Variants in CDH13 observed in about 807,000 individuals in gnomAD.
CDH13 encodes the protein cadherin-13.
In CDH13, 24 loss-of-function variants were observed where a neutral mutation model predicts 63.8. The observed-to-expected ratio is 0.38, with a 90% CI of 0.27 to 0.53. The LOEUF is 0.53. CDH13 is among the 20% of genes least tolerant of loss of function. The pLI, the probability that CDH13 is intolerant of heterozygous loss-of-function variation, is 0.85. For synonymous variants in CDH13, 503 were observed against 355.3 expected, an observed-to-expected ratio of 1.42 and a Z score of -4.67; for missense variants, 1,049 against 903.1, an observed-to-expected ratio of 1.16 and a Z score of -2.07.
chr16:83,623,062 T>A (rs1909959084), intron 8 of CDH13, among the ~76,000 whole-genome samples: 1 of 152,208 alleles, frequency 6.6e-6, no homozygotes, highest in Admixed American at 6.5e-5. Context: ...AAGTGACATC[T>A]TGTCCTTTAA....
chr16:83,435,867 G>A (rs553241134), intron 6 of CDH13, among the ~76,000 whole-genome samples: 1 of 152,328 alleles, frequency 6.6e-6, no homozygotes, highest in Admixed American at 6.5e-5. Flanking sequence ...TGTGTGAAGA[G>A]AGGAATTGTG....
In CDH13 at chr16:83,449,162, T is replaced by C. The variant is rs191969760; in HGVS notation, c.782-37315T>C. Among the ~76,000 whole-genome samples the C allele has an allele frequency of 2.0e-5, 3 of 152,268 alleles. No homozygotes were observed. In the East Asian group the frequency reaches 5.8e-4, roughly 29 times the overall value. On this transcript the variant is annotated intron_variant, in intron 6 of 13. Coordinates refer to ENST00000567109, the MANE Select transcript of CDH13 (RefSeq NM_001257.5). ...TCTGGACAAAATAAATCAGCCCGGA[T>C]GGAATTCGTTGCCACAATGATCTAT... is the stretch of plus-strand genomic sequence containing the variant.
intron 3 of CDH13, among the ~76,000 whole-genome samples, chr16:83,075,316 C>G (rs545532766): frequency 6.6e-6 from 1 of 152,276 alleles, no homozygotes; most frequent in African/African-American, 2.4e-5. Flanking sequence ...CTATGTGGCC[C>G]CGTGAAGATG....
chr16:83,303,286 A>G (rs180911900), intron 5 of CDH13, among the ~76,000 whole-genome samples: 30 of 152,350 alleles, frequency 2.0e-4, no homozygotes, highest in African/African-American at 6.5e-4. Context: ...TTTAATGTGT[A>G]TTAGCCTAGA....
chr16:83,328,443 A>G (rs533151235), intron 5 of CDH13, among the ~76,000 whole-genome samples: 1 of 152,374 alleles, frequency 6.6e-6, no homozygotes, highest in Non-Finnish European at 1.5e-5. Flanking sequence ...TGCAGGCCAC[A>G]GTGAGAACTT....
intron 6 of CDH13, chr16:83,397,330 C>T (rs2091902947): frequency 1.3e-5 from 2 of 152,164 alleles, no homozygotes; most frequent in African/African-American, 4.8e-5. Context: ...CTATGGAAGC[C>T]AAGGTATGTT....
At chr16:83,332,491 A>G (rs2090501279) in intron 5 of CDH13, among the ~76,000 whole-genome samples, 1 of 152,212 alleles carries the variant, frequency 6.6e-6, no homozygotes. Flanking sequence ...TATTGCATTT[A>G]TTTCTATTCC....
At chr16:82,923,270 T>C (rs2042211043) in intron 2 of CDH13, among the ~76,000 whole-genome samples, 1 of 152,196 alleles carries the variant, frequency 6.6e-6, no homozygotes, top group African/African-American at 2.4e-5. Context: ...TGGCACAAGG[T>C]GGGAATTTGA....
intron 5 of CDH13, among the ~76,000 whole-genome samples, chr16:83,241,274 A>G (rs945308575): frequency 5.3e-5 from 8 of 152,140 alleles, no homozygotes; most frequent in Non-Finnish European, 1.2e-4. Context: ...CCTCTTGACT[A>G]TTGTAAATTA....
At chr16:83,154,188 C>T (rs1274434455) in intron 4 of CDH13, among the ~76,000 whole-genome samples, 1 of 152,070 alleles carries the variant, frequency 6.6e-6, no homozygotes, top group African/African-American at 2.4e-5. Flanking sequence ...ACGAGCTTAT[C>T]CTAAGGGAGA....
At chr16:82,981,338 C>T (rs769334652) in intron 2 of CDH13, among the ~76,000 whole-genome samples, 3 of 152,140 alleles carry the variant, frequency 2.0e-5, no homozygotes, top group Non-Finnish European at 4.4e-5. Flanking sequence ...ACACTGCAGT[C>T]CAATTTCAAA....
intron 2 of CDH13, among the ~76,000 whole-genome samples, chr16:82,944,047 T>C (rs1203632012): frequency 6.6e-6 from 1 of 152,174 alleles, no homozygotes; most frequent in East Asian, 1.9e-4. Context: ...GATTAAGTAT[T>C]TAATGTCTCT....
intron 2 of CDH13, among the ~76,000 whole-genome samples, chr16:83,024,392 C>T (rs1320649151): frequency 1.3e-5 from 2 of 151,936 alleles, no homozygotes; most frequent in East Asian, 1.9e-4. Context: ...AGTAAATAAT[C>T]GATGTGGTAT....
chr16:82,725,522 G>T (rs144766236), intron 1 of CDH13, among the ~76,000 whole-genome samples: 124 of 152,238 alleles, frequency 8.1e-4, no homozygotes, highest in African/African-American at 2.9e-3. Flanking sequence ...GCCACATTTA[G>T]GTGTTTTAAG....
intron 2 of CDH13, among the ~76,000 whole-genome samples, chr16:82,933,308 A>T (rs1597241944): frequency 6.6e-6 from 1 of 152,142 alleles, no homozygotes; most frequent in Non-Finnish European, 1.5e-5. Context: ...GTGCAGAGCA[A>T]AGGGGAGAAA....
At chr16:83,551,726 C>T (rs140737103) in intron 7 of CDH13, among the ~76,000 whole-genome samples, 216 of 152,310 alleles carry the variant, frequency 1.4e-3, no homozygotes, top group African/African-American at 4.7e-3. Context: ...AAATGCATCT[C>T]CCTTTCCTTT....
At chr16:83,751,758 A>G (rs1913105176) in intron 11 of CDH13, among the ~76,000 whole-genome samples, 1 of 152,264 alleles carries the variant, frequency 6.6e-6, no homozygotes, top group Non-Finnish European at 1.5e-5. Flanking sequence ...AAGAGCTTAT[A>G]CTGAACATGA....
At chr16:83,540,360 G>T (rs72791501) in intron 7 of CDH13, among the ~76,000 whole-genome samples, 238 of 152,268 alleles carry the variant, frequency 1.6e-3, no homozygotes, top group Non-Finnish European at 2.7e-3. Context: ...CCCCCGATGC[G>T]CAGTGTTTCT....
At chr16:82,691,767 C>A (rs1186279553) in intron 1 of CDH13, among the ~76,000 whole-genome samples, 2 of 152,068 alleles carry the variant, frequency 1.3e-5, no homozygotes, top group Non-Finnish European at 2.9e-5. Flanking sequence ...GGTCTCCCCT[C>A]AATATTCTGA....
Sources: allele counts gnomAD v4.1 joint callset (sites outside exome capture counted in the v4.1 genomes callset), GRCh38; gene constraint gnomAD v4.1.1; transcripts MANE v1.5; gene names NCBI Gene and HGNC (gene_info 2026-07-23, HGNC 2026-07-21).